The following FBN3 variants were observed in gnomAD, a reference collection of about 807,000 sequenced individuals.
FBN3 encodes fibrillin-3.
Under a neutral mutation model 330.1 loss-of-function variants are expected in FBN3, and 234 were observed. The ratio of observed to expected loss-of-function variants is 0.71; its 90% CI spans 0.64 to 0.79. FBN3 has a LOEUF of 0.79. Ranked by LOEUF, FBN3 falls within the 30% of genes least tolerant of loss-of-function variation. FBN3 has a pLI of 0.00. For missense variants in FBN3, 3,606 were observed against 3,886.9 expected (o/e 0.93, Z 1.92); for synonymous variants, 1,458 against 1,517.3 (o/e 0.96, Z 0.91).
intron 55 of FBN3, 108 bp from the exon 56 acceptor site, chr19:8,085,677 G>A (rs889252859): frequency 1.1e-5 from 9 of 835,356 alleles, no homozygotes; most frequent in Non-Finnish European, 1.6e-5. Flanking sequence ...TGGGGACAGG[G>A]GTGTCCAGGA....
chr19:8,093,200 A>G (rs186286609), intron 47 of FBN3, among the ~76,000 whole-genome samples: 64 of 152,286 alleles, frequency 4.2e-4, no homozygotes, highest in African/African-American at 1.5e-3. Context: ...AGAATAGATC[A>G]GAATAGGCCG....
chr19:8,087,320 A>G, intron 53 of FBN3, 109 bp from the exon 54 acceptor site: 4 of 1,218,250 alleles, frequency 3.3e-6, no homozygotes, highest in Non-Finnish European at 4.4e-6. Context: ...AGTTCCCTGC[A>G]GACCCTGTCA....
chr19:8,086,355 G>A lies in FBN3; in HGVS notation c.6755-30C>T, dbSNP rs8103000. On this transcript the variant is annotated intron_variant, in intron 54 of 63. Transcript: ENST00000600128. ...GATGGGAGGGGTGAGGCAGGTGGGC[G>A]GGGAGGCCACAGGCAGCCAGCCTCT... is the stretch of plus-strand genomic sequence containing the variant. The A allele has an allele frequency of 2.2e-4, 348 of 1,565,376 alleles. 1 individual carries two copies. The African/African-American group carries it at 4.0e-3, about 18-fold the overall frequency.
Position 8,117,572 on chromosome 19 carries a change from G to C in FBN3, c.3355C>G (p.Leu1119Val). 1 of 1,553,550 alleles carries C rather than the reference G, an allele frequency of 6.4e-7. No individual in the cohort carries two copies. Among genetic ancestry groups the C allele is most frequent in the South Asian group, 1.2e-5 (1 of 83,958 alleles). Residue 1119 changes from leucine (L) to valine (V), a missense_variant, in exon 27 of 64, where the codon CTG (leucine) becomes GTG (valine). Transcript: ENST00000600128. Reference protein sequence around the residue: ...TACEDIDECSLSDGLCPHGQC... With the variant: ...TACEDIDECSVSDGLCPHGQC... ...CCATGGGGACACAGGCCATCACTCA[G>C]GGAGCACTCATCGATGTCTGTGGGG...
At chr19:8,118,756 C>G in intron 26 of FBN3, 141 bp downstream of exon 26, 2 of 1,028,488 alleles carry the variant, frequency 1.9e-6, no homozygotes, top group Non-Finnish European at 1.4e-6. Context: ...CACACTTGCA[C>G]GCTCACACAT....
At position 8,138,217 on chromosome 19, in the gene FBN3, A is replaced by T. The variant is rs199712944; in HGVS notation, c.1125T>A (p.Leu375=). 3 of 1,612,494 alleles carry T rather than the reference A, an allele frequency of 1.9e-6. No individual in the cohort carries two copies. The Admixed American group carries it at 5.1e-5, about 27-fold the overall frequency. ...GFGSNGMGPP[L]GPARLNPHGS... ...CATGGGGGTTGAGTCGCGCTGGCCCAAGAGGGGGACCCATGCCATTGGATC... is the reference window on the plus strand; with the variant it reads ...CATGGGGGTTGAGTCGCGCTGGCCCTAGAGGGGGACCCATGCCATTGGATC... Residue 375 remains leucine (L), a synonymous_variant, in exon 10 of 64, where the codon CTT becomes CTA. Transcript: ENST00000600128.
intron 29 of FBN3, among the ~76,000 whole-genome samples, chr19:8,116,414 AT>A (rs2082705635): frequency 6.6e-6 from 1 of 152,236 alleles, no homozygotes; most frequent in Admixed American, 6.5e-5. Context: ...AACAAATGCC[AT>A]TTAAAAGAGC....
At chr19:8,095,330 G>GC (rs767380421) in intron 46 of FBN3, 45 bp downstream of exon 46, 5 of 1,591,018 alleles carry the variant, frequency 3.1e-6, no homozygotes, top group Non-Finnish European at 4.3e-6. Flanking sequence ...TGTACATGGA[G>GC]CAGGGGCTGG....
intron 28 of FBN3, 35 bp from the exon 29 acceptor site, chr19:8,116,834 T>G: frequency 6.2e-7 from 1 of 1,604,450 alleles, no homozygotes; most frequent in Non-Finnish European, 8.5e-7. Context: ...TGCTTAGCTT[T>G]GCCCTGATAG....
chr19:8,095,464 C>T lies in FBN3; in HGVS notation c.5696G>A (p.Arg1899Gln), dbSNP rs374720282. The T allele has an allele frequency of 1.0e-4, 169 of 1,613,632 alleles. No individual in the cohort carries two copies. Among genetic ancestry groups the T allele is most frequent in the Middle Eastern group, 8.2e-4 (5 of 6,084 alleles). ...AGCTGTGTTGAGGCAATGGCCAAATCGGCACACCTGCCCCACCAGGGTAGT... is the reference window on the plus strand; with the variant it reads ...AGCTGTGTTGAGGCAATGGCCAAATTGGCACACCTGCCCCACCAGGGTAGT... ...ECTTLVGQVC[R>Q]FGHCLNTAGS... The change falls in exon 46 of 64, where the codon CGA becomes CAA. Residue 1899 changes from arginine to glutamine, a missense_variant. Transcript: ENST00000600128.
chr19:8,108,919 C>T (rs1425460099), intron 36 of FBN3, among the ~76,000 whole-genome samples: 5 of 152,154 alleles, frequency 3.3e-5, no homozygotes, highest in Non-Finnish European at 5.9e-5. Flanking sequence ...GAGGCTGTGG[C>T]TCATCCTTCT....
rs769753283 is a variant in FBN3, at chr19:8,147,192, G to A, written c.168-6C>T. On this transcript the variant is annotated splice_region_variant and splice_polypyrimidine_tract_variant and intron_variant, in intron 2 of 63. Coordinates refer to ENST00000600128, the MANE Select transcript of FBN3 (RefSeq NM_032447.5). ...GGGAGCCGCACACATTCGGCCTTCG[G>A]GGACAGCGAGATGGGTCTGGTGAGC... The A allele has an allele frequency of 1.3e-6, 2 of 1,564,552 alleles. No individual in the cohort carries two copies. Among genetic ancestry groups the A allele is most frequent in the East Asian group, 4.7e-5 (2 of 42,172 alleles).
chr19:8,082,486 CTTCCCTTTCTTTCTCT>C (rs1375239307), intron 57 of FBN3, among the ~76,000 whole-genome samples: 9 of 35,748 alleles, frequency 2.5e-4, no homozygotes, highest in African/African-American at 8.2e-4. Context: ...TCCTTCCTTC[CTTCCCTTTCTTTCTCT>C]CTTTCTTTCT....
chr19:8,124,058 C>CAG, intron 22 of FBN3, 50 bp from the exon 23 acceptor site: 1 of 1,494,768 alleles, frequency 6.7e-7, no homozygotes, highest in Non-Finnish European at 9.2e-7. Context: ...ACTGTGCCCA[C>CAG]TGCGGGACAG....
Position 8,109,277 on chromosome 19 carries a change from A to C in FBN3, c.4568T>G (p.Leu1523Arg). Residue 1523 changes from leucine (L) to arginine (R), a missense_variant, in exon 36 of 64, where the codon CTG becomes CGG. Coordinates refer to ENST00000600128, the MANE Select transcript of FBN3 (RefSeq NM_032447.5). This position sits in a 1 kb window ranked among gnomAD's most constrained non-coding sequence, Gnocchi z 5.2. The stretch of plus-strand genomic sequence containing the variant: ...ACAGGGATTGCCCCAAGCCCGGCCC[A>C]GGGAGCAACAGCAGGAAGCTCGGGT... ...GVTRASCCCS[L>R]GRAWGNPCEL... The C allele has an allele frequency of 6.2e-7, 1 of 1,614,120 alleles. No individual in the cohort carries two copies. The highest frequency in any genetic ancestry group is 8.5e-7 in the Non-Finnish European group (1 of 1,179,996).
intron 61 of FBN3, 50 bp downstream of exon 61, chr19:8,075,021 G>T: frequency 6.3e-7 from 1 of 1,579,504 alleles, no homozygotes; most frequent in South Asian, 1.2e-5. Flanking sequence ...CGCCTGCTCT[G>T]AGCAGATTCT....
At chr19:8,094,348 C>T in intron 47 of FBN3, 98 bp downstream of exon 47, 6 of 1,325,376 alleles carry the variant, frequency 4.5e-6, no homozygotes, top group Middle Eastern at 1.9e-4. Flanking sequence ...AAGTACATCT[C>T]CACCTTCATC....
At chr19:8,122,149 G>A (rs115670758) in intron 24 of FBN3, among the ~76,000 whole-genome samples, 1 of 152,004 alleles carries the variant, frequency 6.6e-6, no homozygotes, top group Non-Finnish European at 1.5e-5. Context: ...TCAGCCTCTC[G>A]AATAGCTGGG....
At chr19:8,135,935 T>TTGGGGGGCGG in intron 13 of FBN3, 26 bp downstream of exon 13, 1 of 1,344,156 alleles carries the variant, frequency 7.4e-7, no homozygotes, top group Non-Finnish European at 1.0e-6. Flanking sequence ...CGGAAGCCCC[T>TTGGGGGGCGG]GCCCACCCGC....
Sources: allele counts gnomAD v4.1 joint callset (sites outside exome capture counted in the v4.1 genomes callset), GRCh38; gene constraint gnomAD v4.1.1; non-coding constraint Gnocchi (gnomAD v3.1); transcripts MANE v1.5; gene names NCBI Gene and HGNC (gene_info 2026-07-23, HGNC 2026-07-21).